SLC44A5: variants seen among roughly 807,000 people sequenced by gnomAD.
The protein encoded by SLC44A5 is solute carrier family 44 member 5, also known as choline transporter-like protein 5.
Under a neutral mutation model 101.8 loss-of-function variants are expected in SLC44A5, and 57 were observed. The ratio of observed to expected loss-of-function variants is 0.56; its 90% CI spans 0.45 to 0.70. SLC44A5 has a LOEUF of 0.70. Among genes scored for constraint, SLC44A5 ranks in the 30% least tolerant of loss-of-function variants. The pLI, the probability that SLC44A5 is intolerant of heterozygous loss-of-function variation, is 0.00. For missense variants in SLC44A5, 737 were observed against 853.1 expected (o/e 0.86, Z 1.70); for synonymous variants, 281 against 290.9 (o/e 0.97, Z 0.35).
intron 2 of SLC44A5, among the ~76,000 whole-genome samples, chr1:75,437,263 G>A (rs1857354): frequency 0.1 from 15,249 of 152,034 alleles, 920 homozygotes; most frequent in Admixed American, 0.19. Flanking sequence ...CAGGGCAATC[G>A]TTTTGTTTAC....
rs142987366 is a variant in SLC44A5, at chr1:75,470,506, CTAAATTATTA to C, written c.13+70919_13+70928del. Among the ~76,000 whole-genome samples the C allele has an allele frequency of 7.9e-4, 120 of 152,206 alleles. 2 individuals are homozygous for C. Among genetic ancestry groups the C allele is most frequent in the African/African-American group, 2.9e-3 (119 of 41,516 alleles). On this transcript the variant is annotated intron_variant, in intron 2 of 23. Coordinates refer to ENST00000370859, the MANE Select transcript of SLC44A5 (RefSeq NM_001130058.2). The stretch of plus-strand genomic sequence containing the variant: ...CTACTACAGCCAAGTAAATAGGCAT[CTAAATTATTA>C]TATAGTGTGAAGACTACCAAGATAG...
chr1:75,621,741 A>T, the SLC44A5 span, among the ~76,000 whole-genome samples: 3 of 152,160 alleles, frequency 2.0e-5, no homozygotes, highest in African/African-American at 7.2e-5. Flanking sequence ...AAATTTTTAC[A>T]CACAAAAAAA....
rs529519648 is a variant in SLC44A5 at position 75,510,654 on chromosome 1, C to T, written c.13+30781G>A. ...ATGCTAAACAAATTCACATATACTG[C>T]CTCAAGATATAAAAATTATGGGAAA... On this transcript the variant is annotated intron_variant, in intron 2 of 23. Coordinates refer to ENST00000370859, the MANE Select transcript of SLC44A5 (RefSeq NM_001130058.2). Among the ~76,000 whole-genome samples, 5 of 152,248 alleles carry T rather than the reference C, an allele frequency of 3.3e-5. No individual in the cohort carries two copies. The East Asian group carries it at 7.7e-4, about 24-fold the overall frequency.
At chr1:75,405,925 C>T (rs1570166322) in intron 2 of SLC44A5, among the ~76,000 whole-genome samples, 1 of 148,150 alleles carries the variant, frequency 6.7e-6, no homozygotes, top group South Asian at 2.1e-4. Context: ...AATCCAGGAG[C>T]TGGTTTTTGA....
At chr1:75,499,476 A>G (rs1668839959) in intron 2 of SLC44A5, among the ~76,000 whole-genome samples, 2 of 152,236 alleles carry the variant, frequency 1.3e-5, no homozygotes, top group African/African-American at 4.8e-5. Flanking sequence ...CTAACAGGCC[A>G]CATACCAGTA....
At chr1:75,301,151 T>C (rs1654420968) in intron 4 of SLC44A5, among the ~76,000 whole-genome samples, 1 of 152,156 alleles carries the variant, frequency 6.6e-6, no homozygotes, top group Admixed American at 6.5e-5. Context: ...ACATTAACTT[T>C]CTATGGAGAA....
chr1:75,628,173 G>C, the SLC44A5 span, among the ~76,000 whole-genome samples: 1 of 151,840 alleles, frequency 6.6e-6, no homozygotes, highest in Non-Finnish European at 1.5e-5. Context: ...CAAAACTTTA[G>C]GATATGAAAG....
At chr1:75,422,165 G>T (rs1664047861) in intron 2 of SLC44A5, among the ~76,000 whole-genome samples, 1 of 152,148 alleles carries the variant, frequency 6.6e-6, no homozygotes, top group African/African-American at 2.4e-5. Context: ...TTTGAAAAAG[G>T]CACACATGGA....
At chr1:75,598,024 A>G (rs1246186494) in intron 1 of SLC44A5, among the ~76,000 whole-genome samples, 1 of 152,126 alleles carries the variant, frequency 6.6e-6, no homozygotes, top group African/African-American at 2.4e-5. Context: ...ATGGGAGAAA[A>G]TTTTTGCAAC....
At chr1:75,681,434 G>A in the SLC44A5 span, among the ~76,000 whole-genome samples, 2 of 151,392 alleles carry the variant, frequency 1.3e-5, no homozygotes, top group Non-Finnish European at 3.0e-5. Flanking sequence ...TCATCCCTGG[G>A]ATGCAAGGCT....
intron 3 of SLC44A5, among the ~76,000 whole-genome samples, chr1:75,388,712 G>C (rs1387659613): frequency 1.3e-5 from 2 of 151,748 alleles, no homozygotes; most frequent in East Asian, 3.9e-4. Context: ...CCGGGAGGCA[G>C]AGCTTGCAGT....
chr1:75,628,776 T>C, the SLC44A5 span, among the ~76,000 whole-genome samples: 1 of 152,150 alleles, frequency 6.6e-6, no homozygotes, highest in Non-Finnish European at 1.5e-5. Flanking sequence ...CCTCTTAATG[T>C]CATCCTCCAA....
At chr1:75,615,432 T>TACACACACACACACACACACACACAC (rs776361396), upstream of SLC44A5, among the ~76,000 whole-genome samples, 3 of 77,010 alleles carry the variant, frequency 3.9e-5, no homozygotes, top group Non-Finnish European at 8.2e-5. Flanking sequence ...CACACACACA[T>TACACACACACACACACACACACACAC]ACATACACAC....
At chr1:75,234,125 T>C (rs1369827411) in intron 11 of SLC44A5, 27 bp from the exon 12 acceptor site, 1 of 1,513,898 alleles carries the variant, frequency 6.6e-7, no homozygotes, top group Non-Finnish European at 9.2e-7. Flanking sequence ...ACAAACACAG[T>C]GGTCAAGTGT....
chr1:75,681,561 T>C, the SLC44A5 span, among the ~76,000 whole-genome samples: 3 of 151,504 alleles, frequency 2.0e-5, no homozygotes, highest in South Asian at 4.2e-4. Context: ...TCAACAACTC[T>C]TCATGCTAAA....
chr1:75,560,162 C>G (rs1672441978), intron 1 of SLC44A5, among the ~76,000 whole-genome samples: 1 of 152,100 alleles, frequency 6.6e-6, no homozygotes, highest in African/African-American at 2.4e-5. Flanking sequence ...CCATATGATA[C>G]AACAATTCCA....
At chr1:75,214,728 A>C in intron 19 of SLC44A5, 50 bp from the exon 20 acceptor site, 1 of 1,446,248 alleles carries the variant, frequency 6.9e-7, no homozygotes, top group Non-Finnish European at 9.6e-7. Flanking sequence ...TACTCTAACA[A>C]GATCAAAAGA....
chr1:75,335,394 C>T (rs147648795), intron 4 of SLC44A5, among the ~76,000 whole-genome samples: 10 of 152,120 alleles, frequency 6.6e-5, no homozygotes, highest in East Asian at 3.9e-4. Context: ...GTTGCCCTGA[C>T]CAGTTCATTC....
chr1:75,391,064 GC>G (rs948858454), intron 3 of SLC44A5, among the ~76,000 whole-genome samples: 1 of 151,896 alleles, frequency 6.6e-6, no homozygotes, highest in African/African-American at 2.4e-5. Context: ...CAAGCTGATA[GC>G]CAAATCAAAA....
Sources: allele counts gnomAD v4.1 joint callset (sites outside exome capture counted in the v4.1 genomes callset), GRCh38; gene constraint gnomAD v4.1.1; transcripts MANE v1.5; gene names NCBI Gene and HGNC (gene_info 2026-07-23, HGNC 2026-07-21).